Variants in UAP1 observed in about 807,000 individuals in gnomAD.
The protein encoded by UAP1 is UDP-N-acetylhexosamine pyrophosphorylase.
A neutral mutation model predicts 58.5 loss-of-function variants in UAP1; 25 were observed. The ratio of observed to expected loss-of-function variants is 0.43; its 90% CI spans 0.31 to 0.60. UAP1 has a LOEUF of 0.60. Ranked by LOEUF, UAP1 falls within the 20% of genes least tolerant of loss-of-function variation. The pLI, the probability that UAP1 is intolerant of heterozygous loss-of-function variation, is 0.11. For synonymous variants in UAP1, 208 were observed against 213.0 expected, an observed-to-expected ratio of 0.98 and a Z score of 0.21; for missense variants, 575 against 630.0, an observed-to-expected ratio of 0.91 and a Z score of 0.93.
downstream of UAP1, among the ~76,000 whole-genome samples, chr1:162,600,180 G>C (rs1319083997): frequency 6.6e-6 from 1 of 152,216 alleles, no homozygotes; most frequent in Non-Finnish European, 1.5e-5. Flanking sequence ...CTACGACAAA[G>C]AGTTATCTGG....
At chr1:162,600,958 C>G (rs1030584142), downstream of UAP1, among the ~76,000 whole-genome samples, 5 of 151,952 alleles carry the variant, frequency 3.3e-5, no homozygotes, top group African/African-American at 1.2e-4. Flanking sequence ...CTATTTCCAC[C>G]TGCTATTTAT....
chr1:162,598,718 A>C (rs1211271294), intron 10 of UAP1, among the ~76,000 whole-genome samples: 3 of 152,170 alleles, frequency 2.0e-5, no homozygotes, highest in African/African-American at 7.2e-5. Flanking sequence ...CTTGCTTAGA[A>C]AGTTAACTCT....
At chr1:162,573,702 T>C (rs1208262759) in intron 2 of UAP1, among the ~76,000 whole-genome samples, 2 of 152,150 alleles carry the variant, frequency 1.3e-5, no homozygotes, top group Non-Finnish European at 2.9e-5. Flanking sequence ...GGGTGGCTCA[T>C]ATCTGTAATC....
At chr1:162,572,004 A>G (rs74575739) in intron 2 of UAP1, among the ~76,000 whole-genome samples, 1,607 of 152,328 alleles carry the variant, frequency 0.011, 23 homozygotes, top group African/African-American at 0.037. Context: ...AAACAGGAAG[A>G]AGTTAATGAA....
downstream of UAP1, chr1:162,599,873 A>T (rs1655831845): frequency 6.6e-6 from 1 of 152,282 alleles, no homozygotes; most frequent in Non-Finnish European, 1.5e-5. Flanking sequence ...TTTCATTGAG[A>T]AAATATGAAA....
intron 4 of UAP1, among the ~76,000 whole-genome samples, chr1:162,580,567 C>G (rs559121865): frequency 5.9e-5 from 9 of 152,304 alleles, no homozygotes; most frequent in African/African-American, 2.2e-4. Context: ...AGAATCTGTA[C>G]TTGGAGGAAA....
chr1:162,574,116 G>A (rs1409160500), intron 2 of UAP1, among the ~76,000 whole-genome samples: 56 of 137,002 alleles, frequency 4.1e-4, no homozygotes, highest in Admixed American at 6.9e-4. Context: ...TTTTTGAGAC[G>A]GAGTCTCACT....
intron 10 of UAP1, among the ~76,000 whole-genome samples, chr1:162,598,229 AAAT>A (rs1402421609): frequency 7.0e-6 from 1 of 142,960 alleles, no homozygotes; most frequent in Non-Finnish European, 1.6e-5. Flanking sequence ...ACAAAAAAAG[AAAT>A]AAAACTTTTT....
intron 4 of UAP1, 122 bp from the exon 5 acceptor site, chr1:162,581,165 T>C: frequency 1.8e-6 from 2 of 1,093,580 alleles, no homozygotes; most frequent in Non-Finnish European, 2.6e-6. Context: ...GATATTCAGT[T>C]TTCTTGCCTT....
At chr1:162,591,810 G>A (rs1470932533) in intron 8 of UAP1, among the ~76,000 whole-genome samples, 2 of 150,940 alleles carry the variant, frequency 1.3e-5, no homozygotes, top group Non-Finnish European at 3.0e-5. Context: ...TTTAAGACAA[G>A]GTCTTGCTCT....
chr1:162,565,663 G>A (rs866601045), intron 1 of UAP1, among the ~76,000 whole-genome samples: 1 of 152,184 alleles, frequency 6.6e-6, no homozygotes, highest in South Asian at 2.1e-4. Flanking sequence ...GTGTGGTAGA[G>A]AGTGTGAACC....
exon 3 of UAP1, chr1:162,576,838 A>G: frequency 1.2e-6 from 2 of 1,614,160 alleles, no homozygotes; most frequent in Non-Finnish European, 1.7e-6. Context: ...GGCAGGGGAC[A>G]AGACTCGGCG....
intron 9 of UAP1, among the ~76,000 whole-genome samples, chr1:162,595,439 T>G (rs775288198): frequency 6.6e-6 from 1 of 152,110 alleles, no homozygotes; most frequent in Non-Finnish European, 1.5e-5. Context: ...CTACTCAAGA[T>G]TCATTTGGTT....
chr1:162,579,469 A>T, exon 4 of UAP1: 1 of 1,605,266 alleles, frequency 6.2e-7, no homozygotes, highest in Non-Finnish European at 8.5e-7. Flanking sequence ...TCTACAAAGG[A>T]GTTCTTCACC....
chr1:162,584,389 AAATC>A (rs1204483754), intron 5 of UAP1, among the ~76,000 whole-genome samples: 12 of 152,358 alleles, frequency 7.9e-5, no homozygotes, highest in African/African-American at 2.9e-4. Flanking sequence ...TAAAATAAGA[AAATC>A]AAAGCATTAA....
chr1:162,563,394 C>T (rs1653288175), intron 1 of UAP1, among the ~76,000 whole-genome samples: 1 of 151,412 alleles, frequency 6.6e-6, no homozygotes, highest in African/African-American at 2.4e-5. Flanking sequence ...GACGGAGAGT[C>T]TCACTCTGTC....
chr1:162,589,118 AT>A (rs1362750483), intron 7 of UAP1, among the ~76,000 whole-genome samples: 2 of 116,388 alleles, frequency 1.7e-5, no homozygotes, highest in South Asian at 2.3e-4. Flanking sequence ...TTATATATAT[AT>A]TTTATATATA....
intron 1 of UAP1, among the ~76,000 whole-genome samples, chr1:162,564,907 C>T (rs542740769): frequency 6.9e-4 from 105 of 152,186 alleles, no homozygotes; most frequent in Admixed American, 1.9e-3. Context: ...GATAGAATTT[C>T]CTGTTGCTGA....
rs748388929 is a variant in UAP1, at chr1:162,581,283, C to G, written c.662-4C>G. On this transcript the variant is annotated splice_region_variant and splice_polypyrimidine_tract_variant and intron_variant, in intron 4 of 10. Transcript: ENST00000271469. ...TGCTACTAATGGGCTATTTTGTTTT[C>G]CAGATGGGAATGGTGGTCTTTATCG... 3.1e-6 allele frequency: 5 copies of G among 1,605,762 alleles called. No homozygotes were observed. The South Asian group carries it at 4.4e-5, about 14-fold the overall frequency.
Sources: gnomAD v4.1 joint callset for allele counts (sites outside exome capture counted in the v4.1 genomes callset) on GRCh38, gnomAD v4.1.1 for gene constraint, MANE v1.5 for transcripts, NCBI Gene and HGNC (gene_info 2026-07-23, HGNC 2026-07-21) for gene names.